Variants in STXBP4 observed in about 807,000 individuals in gnomAD.
STXBP4 encodes syntaxin-binding protein 4.
A neutral mutation model predicts 76.1 loss-of-function variants in STXBP4; 55 were observed. That is an observed-to-expected ratio of 0.72 (90% CI 0.58 to 0.91). The LOEUF (loss-of-function observed/expected upper bound fraction) is 0.91. Ranked by LOEUF, STXBP4 falls within the 40% of genes least tolerant of loss-of-function variation. The pLI, the probability that STXBP4 is intolerant of heterozygous loss-of-function variation, is 0.00. For missense variants in STXBP4, 618 were observed against 636.9 expected (o/e 0.97, Z 0.32); for synonymous variants, 201 against 220.2 (o/e 0.91, Z 0.77).
At chr17:55,192,483 C>T in the STXBP4 span, among the ~76,000 whole-genome samples, 1 of 152,154 alleles carries the variant, frequency 6.6e-6, no homozygotes, top group African/African-American at 2.4e-5. Flanking sequence ...AGTTACTTCA[C>T]CCTAAACACA....
At chr17:55,034,103 T>TA in intron 9 of STXBP4, 65 bp from the exon 10 acceptor site, 1 of 1,172,300 alleles carries the variant, frequency 8.5e-7, no homozygotes, top group Non-Finnish European at 1.2e-6. Flanking sequence ...CAACTTCATA[T>TA]AGAATAAAGT....
At chr17:55,129,972 A>G (rs550334361) in intron 16 of STXBP4, among the ~76,000 whole-genome samples, 23 of 152,332 alleles carry the variant, frequency 1.5e-4, no homozygotes, top group Non-Finnish European at 2.8e-4. Context: ...GAGACAGAGA[A>G]GTCATATTAG....
At chr17:55,038,191 C>A (rs991449992) in intron 10 of STXBP4, among the ~76,000 whole-genome samples, 2 of 151,824 alleles carry the variant, frequency 1.3e-5, no homozygotes, top group Non-Finnish European at 2.9e-5. Context: ...TTACTGAAAT[C>A]TAATATATAC....
At chr17:55,037,614 T>C (rs1268393995) in intron 10 of STXBP4, among the ~76,000 whole-genome samples, 6 of 152,130 alleles carry the variant, frequency 3.9e-5, no homozygotes, top group Admixed American at 2.6e-4. Flanking sequence ...ATTTCCAATT[T>C]GTGGCTTCAG....
At chr17:55,036,729 T>C (rs1285174932) in intron 10 of STXBP4, among the ~76,000 whole-genome samples, 1 of 152,034 alleles carries the variant, frequency 6.6e-6, no homozygotes, top group South Asian at 2.1e-4. Flanking sequence ...AGAATAGATA[T>C]GTTACATATT....
intron 1 of STXBP4, among the ~76,000 whole-genome samples, chr17:54,982,023 GA>G (rs1352903664): frequency 6.6e-6 from 1 of 152,144 alleles, no homozygotes; most frequent in Non-Finnish European, 1.5e-5. Context: ...CCATAGTGGA[GA>G]AAATTTAGAG....
At position 55,011,842 on chromosome 17, in the gene STXBP4, TC is replaced by T. The variant is rs925590685; in HGVS notation, c.666+4251del. Among the ~76,000 whole-genome samples, 18 of 152,062 alleles carry T rather than the reference TC, an allele frequency of 1.2e-4. No homozygotes were observed. The South Asian group carries it at 1.2e-3, about 11-fold the overall frequency. On this transcript the variant is annotated intron_variant, in intron 8 of 17. Transcript: ENST00000376352. ...AAATCCAGCTAGTCCTGTCTCTCAG[TC>T]CCCCCTCTCAACAGGAAAACCCAAG...
At chr17:54,978,039 GACCA>G in intron 1 of STXBP4, among the ~76,000 whole-genome samples, 1 of 152,122 alleles carries the variant, frequency 6.6e-6, no homozygotes, top group East Asian at 1.9e-4. Flanking sequence ...CCTCCCAAAT[GACCA>G]ACTGCAGCCT....
At chr17:55,159,453 G>T (rs2080316755) in intron 17 of STXBP4, among the ~76,000 whole-genome samples, 2 of 152,158 alleles carry the variant, frequency 1.3e-5, no homozygotes, top group Admixed American at 6.5e-5. Context: ...CAGTGACCCA[G>T]ACTATTTCAT....
chr17:55,192,039 G>T, the STXBP4 span, among the ~76,000 whole-genome samples: 1 of 152,182 alleles, frequency 6.6e-6, no homozygotes, highest in Admixed American at 6.6e-5. Flanking sequence ...CTAAATGGAA[G>T]TGACAAATAG....
chr17:54,993,083 G>C (rs1488760697), intron 4 of STXBP4, among the ~76,000 whole-genome samples: 1 of 152,314 alleles, frequency 6.6e-6, no homozygotes, highest in East Asian at 1.9e-4. Context: ...TGGAGTTAGA[G>C]TAATAAGTTG....
chr17:55,179,958 C>T, the STXBP4 span, among the ~76,000 whole-genome samples: 5 of 152,120 alleles, frequency 3.3e-5, no homozygotes, highest in African/African-American at 1.2e-4. Context: ...ACAAAATATT[C>T]CATGGAATTT....
At chr17:54,982,709 A>C (rs2077568087) in intron 1 of STXBP4, among the ~76,000 whole-genome samples, 1 of 151,976 alleles carries the variant, frequency 6.6e-6, no homozygotes, top group African/African-American at 2.4e-5. Flanking sequence ...AGAGAGTAGG[A>C]AGCAGGCAAA....
At chr17:55,089,603 T>C (rs1289086030) in intron 16 of STXBP4, among the ~76,000 whole-genome samples, 1 of 152,212 alleles carries the variant, frequency 6.6e-6, no homozygotes, top group African/African-American at 2.4e-5. Context: ...TCCTTATATT[T>C]ACATGTTCTA....
chr17:55,208,553 G>GGGAGGGAGGGAGGGAA, the STXBP4 span, among the ~76,000 whole-genome samples: 1 of 106,910 alleles, frequency 9.4e-6, no homozygotes, highest in African/African-American at 3.6e-5. Flanking sequence ...AAGGAAGGAA[G>GGGAGGGAGGGAGGGAA]CAAGGAAGGA....
chr17:55,154,785 A>C (rs2080258818), intron 17 of STXBP4, among the ~76,000 whole-genome samples: 1 of 152,152 alleles, frequency 6.6e-6, no homozygotes, highest in Admixed American at 6.5e-5. Context: ...TAGTGACAAC[A>C]ATTTTTTTAT....
At chr17:55,210,793 T>G in the STXBP4 span, among the ~76,000 whole-genome samples, 1 of 152,236 alleles carries the variant, frequency 6.6e-6, no homozygotes, top group Non-Finnish European at 1.5e-5. Context: ...GGCCCTGCTC[T>G]TTTTCATATG....
the STXBP4 span, among the ~76,000 whole-genome samples, chr17:55,181,106 A>G: frequency 6.6e-6 from 1 of 152,172 alleles, no homozygotes; most frequent in Non-Finnish European, 1.5e-5. Flanking sequence ...ATGCTTCTTA[A>G]CCTTTCACCT....
chr17:55,203,597 A>G, the STXBP4 span, among the ~76,000 whole-genome samples: 72 of 152,194 alleles, frequency 4.7e-4, 1 homozygote, highest in African/African-American at 1.6e-3. Flanking sequence ...TGAAATTAAC[A>G]TGAGTAAAAC....
Sources: allele counts gnomAD v4.1 joint callset (sites outside exome capture counted in the v4.1 genomes callset), GRCh38; gene constraint gnomAD v4.1.1; transcripts MANE v1.5; gene names NCBI Gene and HGNC (gene_info 2026-07-23, HGNC 2026-07-21).